Variants in STXBP4 observed in about 807,000 individuals in gnomAD.
STXBP4 encodes syntaxin-binding protein 4.
In STXBP4, 55 loss-of-function variants were observed where a neutral mutation model predicts 76.1. That is an observed-to-expected ratio of 0.72 (90% CI 0.58 to 0.91). The LOEUF is 0.91. Among genes scored for constraint, STXBP4 ranks in the 40% least tolerant of loss-of-function variants. The pLI is 0.00. For missense variants in STXBP4, 618 were observed against 636.9 expected (o/e 0.97, Z 0.32); for synonymous variants, 201 against 220.2 (o/e 0.91, Z 0.77).
intron 8 of STXBP4, among the ~76,000 whole-genome samples, chr17:55,010,935 T>A (rs2144563874): frequency 6.6e-6 from 1 of 152,336 alleles, no homozygotes; most frequent in East Asian, 1.9e-4. Flanking sequence ...CTTAGTCATT[T>A]AATAAATTAT....
chr17:55,159,634 TAA>T lies in STXBP4; in HGVS notation c.1548-160_1548-159del, dbSNP rs571291103. ...GAAAGAAATGGTTTTCATTGAAGCT[TAA>T]AATGTGTCTAAGACTTATTAAAGCT... On this transcript the variant is annotated intron_variant, in intron 17 of 17. Transcript: ENST00000376352. Among the ~76,000 whole-genome samples the T allele has an allele frequency of 2.2e-4, 34 of 152,352 alleles. 1 individual carries two copies. The East Asian group carries it at 6.0e-3, about 27-fold the overall frequency.
At chr17:55,077,306 C>T (rs2079195466) in intron 13 of STXBP4, among the ~76,000 whole-genome samples, 1 of 152,124 alleles carries the variant, frequency 6.6e-6, no homozygotes, top group South Asian at 2.1e-4. Context: ...TTCTGCTAGC[C>T]TGGGACCAAT....
chr17:55,013,041 A>G (rs549825243), intron 8 of STXBP4, among the ~76,000 whole-genome samples: 1 of 152,334 alleles, frequency 6.6e-6, no homozygotes, highest in South Asian at 2.1e-4. Flanking sequence ...AGCAGTGAGT[A>G]TGCTGTTCAC....
intron 17 of STXBP4, among the ~76,000 whole-genome samples, chr17:55,149,261 G>T (rs2628315): frequency 4.6e-5 from 7 of 151,990 alleles, no homozygotes; most frequent in African/African-American, 7.3e-5. Flanking sequence ...ACAGGGCCTG[G>T]TATTTGTAGG....
chr17:55,085,109 C>CA (rs1221552876), intron 16 of STXBP4, among the ~76,000 whole-genome samples: 1 of 149,404 alleles, frequency 6.7e-6, no homozygotes, highest in Non-Finnish European at 1.5e-5. Context: ...ATCACAAGAA[C>CA]AAAAAACCAA....
At chr17:55,114,500 C>T (rs2079759563) in intron 16 of STXBP4, among the ~76,000 whole-genome samples, 1 of 151,932 alleles carries the variant, frequency 6.6e-6, no homozygotes, top group African/African-American at 2.4e-5. Flanking sequence ...GTAATATGTC[C>T]CTTAGGGCAC....
intron 16 of STXBP4, among the ~76,000 whole-genome samples, chr17:55,118,590 T>G (rs1391490814): frequency 6.6e-6 from 1 of 151,844 alleles, no homozygotes; most frequent in Non-Finnish European, 1.5e-5. Flanking sequence ...TGTAAGAATC[T>G]TTAGCATATA....
intron 8 of STXBP4, among the ~76,000 whole-genome samples, chr17:55,024,320 ATGCAG>A (rs1384599360): frequency 6.6e-6 from 1 of 152,258 alleles, no homozygotes; most frequent in Non-Finnish European, 1.5e-5. Context: ...GATATGTACA[ATGCAG>A]TAGTAGTCAG....
At chr17:55,019,903 G>A (rs1235536078) in intron 8 of STXBP4, among the ~76,000 whole-genome samples, 3 of 151,970 alleles carry the variant, frequency 2.0e-5, no homozygotes, top group Non-Finnish European at 4.4e-5. Context: ...TCTTTATTTT[G>A]TAATGATCTG....
rs939262686 is a variant in STXBP4 at position 55,171,283 on chromosome 17, A to C, written c.*11372A>C. On this transcript the variant is annotated 3_prime_UTR_variant, in exon 18 of 18. Transcript: ENST00000376352. ...GCACAAAATCCTAGAATTGAGGTGAATTTGTAAGTTCCTCTAGTCCAACCA... is the reference window on the plus strand; with the variant it reads ...GCACAAAATCCTAGAATTGAGGTGACTTTGTAAGTTCCTCTAGTCCAACCA... The C allele has an allele frequency of 6.6e-6, 1 of 152,180 alleles. No individual in the cohort carries two copies. Among genetic ancestry groups the C allele is most frequent in the Non-Finnish European group, 1.5e-5 (1 of 68,034 alleles). 9.4% of individuals were successfully genotyped at this position (152,180 alleles called of 1,614,324 possible).
rs867299665 is a variant in STXBP4, at chr17:55,139,144, G to A, written c.1490-2166G>A. On this transcript the variant is annotated intron_variant, in intron 16 of 17. Transcript: ENST00000376352. ...TGCCTGTGAATTAGTACCTTTATAA[G>A]TCTGTTATAAAGTTATAATTCTTTT... Among the ~76,000 whole-genome samples, 9 of 152,056 alleles carry A rather than the reference G, an allele frequency of 5.9e-5. No individual in the cohort carries two copies. The South Asian group carries it at 6.2e-4, about 11-fold the overall frequency.
chr17:55,105,376 A>G (rs1040159759), intron 16 of STXBP4, among the ~76,000 whole-genome samples: 2 of 151,298 alleles, frequency 1.3e-5, no homozygotes, highest in Non-Finnish European at 2.9e-5. Flanking sequence ...TAATTTCATT[A>G]TTTACCCAGT....
chr17:55,151,816 C>T (rs2080220567), intron 17 of STXBP4, among the ~76,000 whole-genome samples: 1 of 152,022 alleles, frequency 6.6e-6, no homozygotes, highest in African/African-American at 2.4e-5. Flanking sequence ...TTAACAAAAC[C>T]TGGGATTTGA....
At chr17:55,144,142 T>C (rs1427986284) in intron 17 of STXBP4, among the ~76,000 whole-genome samples, 1 of 152,166 alleles carries the variant, frequency 6.6e-6, no homozygotes, top group South Asian at 2.1e-4. Flanking sequence ...GGAAGAGCTC[T>C]ATACTTTATC....
At chr17:55,043,824 TG>T in intron 11 of STXBP4, 1 of 599,362 alleles carries the variant, frequency 1.7e-6, no homozygotes. Flanking sequence ...TCTCTTTTTT[TG>T]TTTGTTTGGT....
chr17:55,072,257 T>C (rs1471551929), intron 12 of STXBP4, among the ~76,000 whole-genome samples: 1 of 152,184 alleles, frequency 6.6e-6, no homozygotes, highest in Non-Finnish European at 1.5e-5. Context: ...GTAATGTCTT[T>C]CTCTCAATAT....
chr17:54,976,618 G>T (rs551591156), intron 1 of STXBP4, among the ~76,000 whole-genome samples: 1 of 152,134 alleles, frequency 6.6e-6, no homozygotes, highest in Non-Finnish European at 1.5e-5. Context: ...CCGGCCAGAC[G>T]GCAGGAGGTG....
At chr17:54,984,481 T>C (rs992155890) in intron 1 of STXBP4, among the ~76,000 whole-genome samples, 1 of 151,562 alleles carries the variant, frequency 6.6e-6, no homozygotes, top group African/African-American at 2.4e-5. Flanking sequence ...TAGCTGGGAC[T>C]ACAGGCGCTG....
chr17:55,042,717 A>C (rs926488324), intron 10 of STXBP4, among the ~76,000 whole-genome samples: 1 of 151,992 alleles, frequency 6.6e-6, no homozygotes, highest in Non-Finnish European at 1.5e-5. Context: ...TATTATCTTC[A>C]ATCTACAATT....
Sources: gnomAD v4.1 joint callset for allele counts (sites outside exome capture counted in the v4.1 genomes callset) on GRCh38, gnomAD v4.1.1 for gene constraint, MANE v1.5 for transcripts, NCBI Gene and HGNC (gene_info 2026-07-23, HGNC 2026-07-21) for gene names.